Variants in PRKCA observed in about 807,000 individuals in gnomAD.
The protein encoded by PRKCA is protein kinase C alpha.
Under a neutral mutation model 87.0 loss-of-function variants are expected in PRKCA, and 27 were observed. The observed-to-expected ratio is 0.31, with a 90% confidence interval of 0.23 to 0.43. PRKCA has a LOEUF of 0.43. Among genes scored for constraint, PRKCA ranks in the 20% least tolerant of loss-of-function variants. PRKCA has a pLI of 1.00. For synonymous variants in PRKCA, 329 were observed against 311.1 expected, an observed-to-expected ratio of 1.06 and a Z score of -0.61; for missense variants, 518 against 852.3, an observed-to-expected ratio of 0.61 and a Z score of 4.88.
chr17:66,634,006 G>A (rs1971089158), intron 3 of PRKCA, among the ~76,000 whole-genome samples: 1 of 152,218 alleles, frequency 6.6e-6, no homozygotes, highest in Admixed American at 6.5e-5. Context: ...TCTGCACAGT[G>A]TAGATCCATG....
intron 14 of PRKCA, among the ~76,000 whole-genome samples, chr17:66,780,046 C>T (rs1265798099): frequency 6.6e-6 from 1 of 152,200 alleles, no homozygotes; most frequent in Non-Finnish European, 1.5e-5. Context: ...GATTACCTGT[C>T]AGATGCTCCA....
chr17:66,715,167 C>T (rs1439945228), intron 8 of PRKCA, among the ~76,000 whole-genome samples: 1 of 151,312 alleles, frequency 6.6e-6, no homozygotes, highest in African/African-American at 2.4e-5. Context: ...CCCAGTCATC[C>T]TGTTTTTCCT....
At chr17:66,656,095 A>C (rs1055048061) in intron 5 of PRKCA, among the ~76,000 whole-genome samples, 7 of 152,170 alleles carry the variant, frequency 4.6e-5, no homozygotes, top group African/African-American at 1.4e-4. Flanking sequence ...GTGCTTAGTC[A>C]CTAGATGTGC....
chr17:66,595,462 TC>T (rs1969944855), intron 3 of PRKCA, among the ~76,000 whole-genome samples: 2 of 107,464 alleles, frequency 1.9e-5, no homozygotes, highest in African/African-American at 7.7e-5. Flanking sequence ...TTCTTTTCCT[TC>T]TTTTTTTTTT....
chr17:66,632,127 C>G (rs2143751940), intron 3 of PRKCA, among the ~76,000 whole-genome samples: 1 of 152,260 alleles, frequency 6.6e-6, no homozygotes, highest in East Asian at 1.9e-4. Flanking sequence ...GGCTTTTCCC[C>G]CAATGGTGTC....
chr17:66,710,246 C>T (rs564070942), intron 8 of PRKCA, among the ~76,000 whole-genome samples: 5 of 152,054 alleles, frequency 3.3e-5, no homozygotes, highest in Admixed American at 1.3e-4. Context: ...GAAGGTTCAC[C>T]GCACCTTCTC....
intron 3 of PRKCA, among the ~76,000 whole-genome samples, chr17:66,538,014 C>T (rs544789317): frequency 6.6e-6 from 1 of 152,242 alleles, no homozygotes; most frequent in East Asian, 1.9e-4. Context: ...ACCATGTTGC[C>T]TAAGCTGGTC....
chr17:66,495,660 A>G (rs1236280011), intron 2 of PRKCA, among the ~76,000 whole-genome samples: 1 of 151,554 alleles, frequency 6.6e-6, no homozygotes, highest in East Asian at 1.9e-4. Context: ...TCAAGCGATT[A>G]TCCTGCCTCA....
At chr17:66,326,271 A>G (rs1376390651) in intron 2 of PRKCA, among the ~76,000 whole-genome samples, 1 of 152,178 alleles carries the variant, frequency 6.6e-6, no homozygotes, top group Non-Finnish European at 1.5e-5. Context: ...TCATAAAAAA[A>G]GGTTTTTGAA....
intron 2 of PRKCA, among the ~76,000 whole-genome samples, chr17:66,455,242 A>C (rs1266751361): frequency 6.6e-6 from 1 of 152,192 alleles, no homozygotes; most frequent in Non-Finnish European, 1.5e-5. Flanking sequence ...TTTGGAGCCT[A>C]GTTCTTTTTG....
intron 3 of PRKCA, among the ~76,000 whole-genome samples, chr17:66,512,781 C>T (rs1226970434): frequency 6.6e-6 from 1 of 152,142 alleles, no homozygotes; most frequent in Non-Finnish European, 1.5e-5. Flanking sequence ...CAACTTCCAC[C>T]TCCCAGGTTC....
intron 2 of PRKCA, among the ~76,000 whole-genome samples, chr17:66,351,729 G>A (rs112682908): frequency 3.9e-5 from 6 of 152,206 alleles, no homozygotes; most frequent in East Asian, 3.9e-4. Flanking sequence ...TCAAACCAGC[G>A]TAAACCATAA....
intron 2 of PRKCA, among the ~76,000 whole-genome samples, chr17:66,331,229 CTG>C (rs751447220): frequency 9.2e-5 from 14 of 152,256 alleles, no homozygotes; most frequent in Non-Finnish European, 1.6e-4. Flanking sequence ...GGTTGAAAGA[CTG>C]TATCTCGTGC....
chr17:66,310,874 A>G (rs1269905357), intron 2 of PRKCA, among the ~76,000 whole-genome samples: 3 of 152,204 alleles, frequency 2.0e-5, no homozygotes, highest in Non-Finnish European at 1.5e-5. Flanking sequence ...ACCAGGAGAT[A>G]GGAGACTGAG....
intron 3 of PRKCA, among the ~76,000 whole-genome samples, chr17:66,623,921 C>G (rs1748069376): frequency 6.6e-6 from 1 of 151,994 alleles, no homozygotes; most frequent in South Asian, 2.1e-4. Flanking sequence ...TGTTTAAAAC[C>G]TATGCTGAGA....
intron 5 of PRKCA, among the ~76,000 whole-genome samples, chr17:66,664,847 C>T (rs1972004669): frequency 6.6e-6 from 1 of 151,880 alleles, no homozygotes; most frequent in African/African-American, 2.4e-5. Context: ...GACCACATTA[C>T]CAGGCTGGTC....
chr17:66,750,415 G>A (rs962715376), intron 13 of PRKCA, among the ~76,000 whole-genome samples: 1 of 152,190 alleles, frequency 6.6e-6, no homozygotes, highest in Non-Finnish European at 1.5e-5. Context: ...GCCAAAGCCA[G>A]GCTTTCCTTT....
Position 66,780,769 on chromosome 17 carries a change from T to C in PRKCA, c.1606-6098T>C, listed in dbSNP as rs143219912. ...AGGTAAAGGGAATGGGGATGCTTTT[T>C]TCGTAGACTTCCCTTCCACACCATA... On this transcript the variant is annotated intron_variant, in intron 14 of 16. Coordinates refer to ENST00000413366, the MANE Select transcript of PRKCA (RefSeq NM_002737.3). Among the ~76,000 whole-genome samples, 498 of 152,248 alleles carry C rather than the reference T, an allele frequency of 3.3e-3. 3 individuals are homozygous for C. The highest frequency in any genetic ancestry group is 0.011 in the African/African-American group (472 of 41,546).
intron 3 of PRKCA, among the ~76,000 whole-genome samples, chr17:66,521,842 C>T (rs7218480): frequency 0.65 from 98,719 of 152,090 alleles, 33,046 homozygotes; most frequent in African/African-American, 0.82. Context: ...TTCTTGACTC[C>T]TTGAAAGGCA....
Sources: allele counts gnomAD v4.1 joint callset (sites outside exome capture counted in the v4.1 genomes callset), GRCh38; gene constraint gnomAD v4.1.1; transcripts MANE v1.5; gene names NCBI Gene and HGNC (gene_info 2026-07-23, HGNC 2026-07-21).